The following PRKCB variants were observed in gnomAD, a reference collection of about 807,000 sequenced individuals.
PRKCB encodes the protein protein kinase C beta type.
A neutral mutation model predicts 81.5 loss-of-function variants in PRKCB; 13 were observed. The ratio of observed to expected loss-of-function variants is 0.16; its 90% CI spans 0.10 to 0.25. The LOEUF (loss-of-function observed/expected upper bound fraction) is 0.25. Among genes scored for constraint, PRKCB ranks in the 10% least tolerant of loss-of-function variants. The pLI, the probability that PRKCB is intolerant of heterozygous loss-of-function variation, is 1.00. For synonymous variants in PRKCB, 335 were observed against 321.4 expected (o/e 1.04, Z -0.45); for missense variants, 509 against 875.7 (o/e 0.58, Z 5.29).
At chr16:24,146,564 C>T (rs1966993499) in intron 9 of PRKCB, among the ~76,000 whole-genome samples, 1 of 152,180 alleles carries the variant, frequency 6.6e-6, no homozygotes, top group African/African-American at 2.4e-5. Flanking sequence ...CATGCCCTAA[C>T]CATTATGCAA....
intron 2 of PRKCB, among the ~76,000 whole-genome samples, chr16:23,902,736 T>TCCCTCCCTTCCTTCCTC (rs1299376009): frequency 1.8e-4 from 2 of 11,374 alleles, no homozygotes; most frequent in Non-Finnish European, 1.6e-4. Context: ...CTTCCTCCCT[T>TCCCTCCCTTCCTTCCTC]CCTTCCTTCC....
At chr16:24,041,095 G>A (rs1202257146) in intron 5 of PRKCB, among the ~76,000 whole-genome samples, 1 of 147,298 alleles carries the variant, frequency 6.8e-6, no homozygotes. Flanking sequence ...TGTCACCCAG[G>A]CTGGAGTGCA....
intron 8 of PRKCB, among the ~76,000 whole-genome samples, chr16:24,119,677 T>C (rs918698682): frequency 3.3e-5 from 5 of 152,068 alleles, no homozygotes; most frequent in Admixed American, 6.5e-5. Context: ...TGTGAGGACA[T>C]AGCCCGAGAA....
intron 3 of PRKCB, among the ~76,000 whole-genome samples, chr16:24,027,753 T>G (rs910369535): frequency 6.6e-6 from 1 of 152,324 alleles, no homozygotes; most frequent in South Asian, 2.1e-4. Context: ...GACATACGTT[T>G]CCTGTGGTAA....
intron 9 of PRKCB, 102 bp downstream of exon 9, chr16:24,124,083 G>A (rs190305376): frequency 1.5e-6 from 2 of 1,347,922 alleles, no homozygotes; most frequent in African/African-American, 1.5e-5. Context: ...GGGAGAGAGA[G>A]TAAGAAGTAA....
intron 10 of PRKCB, among the ~76,000 whole-genome samples, chr16:24,157,220 G>C (rs1277189572): frequency 6.6e-6 from 1 of 152,142 alleles, no homozygotes; most frequent in Non-Finnish European, 1.5e-5. Context: ...AGAACCAGGA[G>C]AGCCTAGAAC....
chr16:23,947,919 C>G (rs917888543), intron 2 of PRKCB, among the ~76,000 whole-genome samples: 3 of 128,834 alleles, frequency 2.3e-5, no homozygotes, highest in African/African-American at 8.7e-5. Context: ...TTTGTGAATT[C>G]GCCACCTCAT....
chr16:23,926,919 G>T (rs939161415), intron 2 of PRKCB, among the ~76,000 whole-genome samples: 1 of 152,046 alleles, frequency 6.6e-6, no homozygotes, highest in Admixed American at 6.6e-5. Flanking sequence ...CAAAAGCTTC[G>T]ATGTATACAT....
At chr16:23,913,920 T>C (rs1408292664) in intron 2 of PRKCB, among the ~76,000 whole-genome samples, 1 of 152,222 alleles carries the variant, frequency 6.6e-6, no homozygotes, top group Admixed American at 6.5e-5. Context: ...GCCATTTGCC[T>C]TGGGACAGAG....
intron 2 of PRKCB, among the ~76,000 whole-genome samples, chr16:23,972,028 A>C (rs531759177): frequency 1.3e-5 from 2 of 152,180 alleles, no homozygotes; most frequent in African/African-American, 4.8e-5. Flanking sequence ...TGTTAAAAAA[A>C]CCCCAGAATA....
chr16:23,951,803 C>T (rs941437705), intron 2 of PRKCB, among the ~76,000 whole-genome samples: 1 of 151,846 alleles, frequency 6.6e-6, no homozygotes, highest in African/African-American at 2.4e-5. Context: ...AAATAAATCC[C>T]CTTGGTCTGT....
At chr16:24,033,165 T>A (rs552596885) in intron 4 of PRKCB, among the ~76,000 whole-genome samples, 1 of 152,242 alleles carries the variant, frequency 6.6e-6, no homozygotes, top group East Asian at 1.9e-4. Flanking sequence ...CCCACAGACC[T>A]GTTGGTCTGC....
intron 5 of PRKCB, among the ~76,000 whole-genome samples, chr16:24,085,131 T>C (rs1381078426): frequency 3.8e-5 from 5 of 130,922 alleles, no homozygotes; most frequent in Admixed American, 2.4e-4. Context: ...GTTGAGGAAC[T>C]GGAGGGTTTG....
intron 9 of PRKCB, among the ~76,000 whole-genome samples, chr16:24,139,750 A>G (rs1446098280): frequency 6.6e-6 from 1 of 152,244 alleles, no homozygotes; most frequent in Non-Finnish European, 1.5e-5. Context: ...TGCTTTTATC[A>G]TCTATAAAGA....
intron 2 of PRKCB, among the ~76,000 whole-genome samples, chr16:23,917,921 C>T (rs896776030): frequency 7.9e-5 from 12 of 152,154 alleles, no homozygotes; most frequent in African/African-American, 1.9e-4. Flanking sequence ...GACTAATCAA[C>T]GCATTTCACA....
chr16:24,003,399 T>G (rs962071839), intron 3 of PRKCB, among the ~76,000 whole-genome samples: 1 of 151,818 alleles, frequency 6.6e-6, no homozygotes, highest in Admixed American at 6.6e-5. Context: ...TTTTTTTTTT[T>G]TTTGAGACAA....
intron 5 of PRKCB, among the ~76,000 whole-genome samples, chr16:24,068,755 G>A (rs1278798816): frequency 6.6e-6 from 1 of 152,180 alleles, no homozygotes; most frequent in Non-Finnish European, 1.5e-5. Context: ...TTTGGGATAA[G>A]ATCTAAGGTA....
chr16:24,094,139 T>A lies in PRKCB; in HGVS notation c.687-24T>A, dbSNP rs375014208. The A allele has an allele frequency of 4.7e-5, 75 of 1,610,382 alleles. No homozygotes were observed. The African/African-American group carries it at 8.8e-4, about 19-fold the overall frequency. On this transcript the variant is annotated intron_variant, in intron 6 of 16. Coordinates refer to ENST00000643927, the MANE Select transcript of PRKCB (RefSeq NM_002738.7). ...GAGAAATTACTACAACCTCCACTGA[T>A]GTCTTTTCTTTTTCTCTATGCAGTC...
intron 2 of PRKCB, among the ~76,000 whole-genome samples, chr16:23,929,191 T>C (rs1231507346): frequency 1.3e-5 from 2 of 152,106 alleles, no homozygotes. Context: ...GGCAGGAATC[T>C]AGGCGGCCGA....
Sources: allele counts gnomAD v4.1 joint callset (sites outside exome capture counted in the v4.1 genomes callset), GRCh38; gene constraint gnomAD v4.1.1; transcripts MANE v1.5; gene names NCBI Gene and HGNC (gene_info 2026-07-23, HGNC 2026-07-21).